The following FARS2 variants were observed in gnomAD, a reference collection of about 807,000 sequenced individuals.
FARS2 encodes the protein phenylalanyl-tRNA synthetase 2, mitochondrial, also known as phenylalanine--tRNA ligase, mitochondrial.
A neutral mutation model predicts 46.4 loss-of-function variants in FARS2; 40 were observed. The ratio of observed to expected loss-of-function variants is 0.86; its 90% confidence interval spans 0.67 to 1.12. The LOEUF (loss-of-function observed/expected upper bound fraction) is 1.12, where lower values mean the gene tolerates loss of function less well. FARS2 is among the 50% of genes most tolerant of loss of function. FARS2 has a pLI of 0.00. For missense variants in FARS2, 513 were observed against 567.9 expected, an observed-to-expected ratio of 0.90 and a Z score of 0.98; for synonymous variants, 234 against 214.9, an observed-to-expected ratio of 1.09 and a Z score of -0.78.
chr6:5,349,312 C>G (rs538783393), intron 1 of FARS2, among the ~76,000 whole-genome samples: 1 of 152,204 alleles, frequency 6.6e-6, no homozygotes, highest in African/African-American at 2.4e-5. Flanking sequence ...TTACAAAAAC[C>G]TGATTTTTGC....
At position 5,431,067 on chromosome 6, in the gene FARS2, T is replaced by A. The variant is rs1193807044; in HGVS notation, c.799T>A (p.Tyr267Asn). ...DELEIRWVDC[Y>N]FPFTHPSFEM... ...GCTGGAGATAAGATGGGTAGACTGC[T>A]ACTTCCCTTTTACACATCCTTCCTT... The change falls in exon 4 of 7, where the codon TAC becomes AAC. Residue 267 changes from tyrosine (Y) to asparagine (N), a missense_variant. Tyr to Asn is a moderately radical substitution (Grantham distance 143). Transcript: ENST00000274680. 8 of 1,613,848 alleles carry A rather than the reference T, an allele frequency of 5.0e-6. No homozygotes were observed. Among genetic ancestry groups the A allele is most frequent in the Non-Finnish European group, 6.8e-6 (8 of 1,179,850 alleles).
chr6:5,738,161 A>G (rs1761071251), intron 6 of FARS2, among the ~76,000 whole-genome samples: 1 of 152,184 alleles, frequency 6.6e-6, no homozygotes, highest in African/African-American at 2.4e-5. Context: ...TATGTTGCCC[A>G]AGCTGGTCTC....
intron 1 of FARS2, among the ~76,000 whole-genome samples, chr6:5,338,815 G>T (rs1771351758): frequency 6.6e-6 from 1 of 152,192 alleles, no homozygotes; most frequent in South Asian, 2.1e-4. Flanking sequence ...ACGAGTGAGT[G>T]CAGGGCTGCT....
intron 1 of FARS2, among the ~76,000 whole-genome samples, chr6:5,346,261 A>G (rs1757223363): frequency 6.6e-6 from 1 of 152,240 alleles, no homozygotes; most frequent in Non-Finnish European, 1.5e-5. Context: ...AGACATGAGT[A>G]CGTTTTTATT....
In FARS2 at chr6:5,311,837, A is replaced by T. The variant is rs1769098367; in HGVS notation, c.-22+50177A>T. Among the ~76,000 whole-genome samples the T allele has an allele frequency of 1.3e-5, 2 of 152,168 alleles. No individual in the cohort carries two copies. The highest frequency in any genetic ancestry group is 1.3e-4 in the Admixed American group (2 of 15,272). On this transcript the variant is annotated intron_variant, in intron 1 of 6. Coordinates refer to ENST00000274680, the MANE Select transcript of FARS2 (RefSeq NM_006567.5). This position sits in a 1 kb window ranked among gnomAD's most constrained non-coding sequence, Gnocchi z 4.1. ...ATGAGAGATAAAAAGCCACTCACAG[A>T]TTCCTTTGTTCCACAACTGTAATGT...
In FARS2 at chr6:5,468,236, C is replaced by T. The variant is rs184655784; in HGVS notation, c.904+37064C>T. 8.6e-5 allele frequency among the ~76,000 whole-genome samples: 13 copies of T among 152,022 alleles called. No homozygotes were observed. The East Asian group carries it at 1.9e-3, about 23-fold the overall frequency. On this transcript the variant is annotated intron_variant, in intron 4 of 6. Coordinates refer to ENST00000274680, the MANE Select transcript of FARS2 (RefSeq NM_006567.5). Reference sequence around the variant, plus strand: ...TTTCTAAGTGGCATTTCTCATTCTACGATGCACTGCAAAATAATATTGCCA... The same window carrying T: ...TTTCTAAGTGGCATTTCTCATTCTATGATGCACTGCAAAATAATATTGCCA...
chr6:5,410,662 T>G (rs182944068), intron 3 of FARS2, among the ~76,000 whole-genome samples: 87 of 152,324 alleles, frequency 5.7e-4, no homozygotes, highest in African/African-American at 1.9e-3. Context: ...ATAGAGATAA[T>G]AGTTAACAGT....
chr6:5,317,948 G>A (rs757678355), intron 1 of FARS2, among the ~76,000 whole-genome samples: 4 of 152,086 alleles, frequency 2.6e-5, no homozygotes, highest in South Asian at 2.1e-4. Flanking sequence ...AAGTTGAGGC[G>A]GGGAAAGGAG....
chr6:5,618,500 G>C (rs1050660795), intron 6 of FARS2, among the ~76,000 whole-genome samples: 2 of 152,184 alleles, frequency 1.3e-5, no homozygotes, highest in African/African-American at 4.8e-5. Flanking sequence ...AGACAAAGTC[G>C]TTAGACACGT....
intron 6 of FARS2, among the ~76,000 whole-genome samples, chr6:5,620,022 A>C (rs1311190334): frequency 1.3e-5 from 2 of 152,008 alleles, no homozygotes; most frequent in Non-Finnish European, 2.9e-5. Context: ...TTCGGCCCTT[A>C]CATAGAGAAG....
intron 2 of FARS2, among the ~76,000 whole-genome samples, chr6:5,389,299 A>G (rs1043248124): frequency 3.9e-5 from 6 of 152,176 alleles, no homozygotes; most frequent in Middle Eastern, 3.4e-3. Context: ...CCAAGCTGCT[A>G]CTGTTCCTCC....
chr6:5,766,406 C>T (rs1192946054), intron 6 of FARS2, among the ~76,000 whole-genome samples: 2 of 152,230 alleles, frequency 1.3e-5, no homozygotes, highest in Admixed American at 6.5e-5. Context: ...GACATTAAAT[C>T]GTCTGTGCCC....
intron 4 of FARS2, among the ~76,000 whole-genome samples, chr6:5,454,202 T>TTTG (rs1186658814): frequency 6.6e-6 from 1 of 151,772 alleles, no homozygotes; most frequent in African/African-American, 2.4e-5. Context: ...CCTCCATTTT[T>TTTG]TTTTTTTTAG....
At chr6:5,558,379 T>C (rs1010494916) in intron 5 of FARS2, among the ~76,000 whole-genome samples, 6 of 152,280 alleles carry the variant, frequency 3.9e-5, no homozygotes, top group African/African-American at 1.2e-4. Context: ...ACTGGCATTT[T>C]CTATGTGTAA....
Position 5,764,070 on chromosome 6 carries a change from C to T in FARS2, c.1218-7221C>T, listed in dbSNP as rs372186342. On this transcript the variant is annotated intron_variant, in intron 6 of 6. Coordinates refer to ENST00000274680, the MANE Select transcript of FARS2 (RefSeq NM_006567.5). This position sits in a 1 kb window ranked among gnomAD's most constrained non-coding sequence, Gnocchi z 4.1. ...GTAAAGGAGGAAGATGGGGCGGATGCGTAGGTATGGAGCGCCTACTCTGGG... is the reference window on the plus strand; with the variant it reads ...GTAAAGGAGGAAGATGGGGCGGATGTGTAGGTATGGAGCGCCTACTCTGGG... Among the ~76,000 whole-genome samples the T allele has an allele frequency of 5.3e-5, 8 of 152,056 alleles. No homozygotes were observed. Among genetic ancestry groups the T allele is most frequent in the Non-Finnish European group, 1.0e-4 (7 of 68,026 alleles).
At chr6:5,669,830 G>A (rs562842493) in intron 6 of FARS2, among the ~76,000 whole-genome samples, 1 of 152,262 alleles carries the variant, frequency 6.6e-6, no homozygotes, top group African/African-American at 2.4e-5. Context: ...GGAGGAGCTG[G>A]TGAAGGAGAA....
At chr6:5,510,191 A>C (rs1768352617) in intron 4 of FARS2, among the ~76,000 whole-genome samples, 1 of 152,050 alleles carries the variant, frequency 6.6e-6, no homozygotes, top group Non-Finnish European at 1.5e-5. Context: ...CCTCATTTCA[A>C]ATTTTTTTTT....
At chr6:5,605,103 G>A (rs574095632) in intron 5 of FARS2, among the ~76,000 whole-genome samples, 1 of 152,160 alleles carries the variant, frequency 6.6e-6, no homozygotes, top group Non-Finnish European at 1.5e-5. Context: ...ACACAGCAGT[G>A]ACAGATCAAA....
At chr6:5,347,182 G>C (rs1757292918) in intron 1 of FARS2, among the ~76,000 whole-genome samples, 1 of 152,142 alleles carries the variant, frequency 6.6e-6, no homozygotes. Flanking sequence ...CCGAAGTGTG[G>C]GGATTACAGG....
Sources: allele counts gnomAD v4.1 joint callset (sites outside exome capture counted in the v4.1 genomes callset), GRCh38; gene constraint gnomAD v4.1.1; non-coding constraint Gnocchi (gnomAD v3.1); transcripts MANE v1.5; gene names NCBI Gene and HGNC (gene_info 2026-07-23, HGNC 2026-07-21).